The following TAS2R1 variants were observed in gnomAD, a reference collection of about 807,000 sequenced individuals.
The protein encoded by TAS2R1 is taste 2 receptor member 1.
For synonymous variants in TAS2R1, 141 were observed against 134.2 expected (o/e 1.05, Z -0.35); for missense variants, 370 against 353.4 (o/e 1.05, Z -0.38).
chr5:9,822,977 G>A, the TAS2R1 span, among the ~76,000 whole-genome samples: 5 of 140,450 alleles, frequency 3.6e-5, no homozygotes, highest in East Asian at 1.1e-3. Flanking sequence ...GTAGGTCAAA[G>A]CTGACTGCTC....
chr5:9,734,455 G>T, the TAS2R1 span, among the ~76,000 whole-genome samples: 3 of 152,096 alleles, frequency 2.0e-5, no homozygotes, highest in Non-Finnish European at 2.9e-5. Flanking sequence ...GAGCCAAAAT[G>T]ATGTTTGTTT....
At chr5:9,765,230 TA>T in the TAS2R1 span, among the ~76,000 whole-genome samples, 1 of 152,056 alleles carries the variant, frequency 6.6e-6, no homozygotes, top group East Asian at 1.9e-4. Context: ...TTATTTAAAT[TA>T]AAAAAATCAA....
the TAS2R1 span, among the ~76,000 whole-genome samples, chr5:9,785,429 A>G: frequency 6.6e-6 from 1 of 152,244 alleles, no homozygotes; most frequent in Admixed American, 6.5e-5. Flanking sequence ...TGATTGTATT[A>G]TGTATTCTGC....
chr5:9,664,927 G>A (rs933830076), intron 1 of TAS2R1, among the ~76,000 whole-genome samples: 2 of 152,190 alleles, frequency 1.3e-5, no homozygotes, highest in Admixed American at 6.5e-5. Context: ...CAGTGTTCAG[G>A]AACTTGTCTA....
At chr5:9,765,236 A>C in the TAS2R1 span, among the ~76,000 whole-genome samples, 1 of 152,214 alleles carries the variant, frequency 6.6e-6, no homozygotes, top group Non-Finnish European at 1.5e-5. Context: ...AAATTAAAAA[A>C]ATCAAGTACT....
chr5:9,688,242 A>G (rs1303637628), intron 1 of TAS2R1, among the ~76,000 whole-genome samples: 1 of 152,206 alleles, frequency 6.6e-6, no homozygotes, highest in Non-Finnish European at 1.5e-5. Context: ...AGAATCGAGC[A>G]TGTTAAGACA....
chr5:9,801,578 C>CAA, the TAS2R1 span, among the ~76,000 whole-genome samples: 2 of 152,150 alleles, frequency 1.3e-5, no homozygotes, highest in Non-Finnish European at 2.9e-5. Context: ...CCTGAGATGC[C>CAA]AAAAACTGTG....
chr5:9,876,803 G>A, the TAS2R1 span, among the ~76,000 whole-genome samples: 3 of 152,198 alleles, frequency 2.0e-5, no homozygotes, highest in Non-Finnish European at 2.9e-5. Context: ...CATCAGGAGT[G>A]GGAGGGGACT....
intron 1 of TAS2R1, among the ~76,000 whole-genome samples, chr5:9,690,216 G>T (rs1561379879): frequency 6.6e-6 from 1 of 152,126 alleles, no homozygotes; most frequent in East Asian, 1.9e-4. Flanking sequence ...GTAATTTCTG[G>T]AATATATATG....
the TAS2R1 span, among the ~76,000 whole-genome samples, chr5:9,898,407 G>T: frequency 6.6e-6 from 1 of 152,186 alleles, no homozygotes; most frequent in Non-Finnish European, 1.5e-5. Context: ...AGAGGGACGA[G>T]GTAGAAGCCG....
the TAS2R1 span, among the ~76,000 whole-genome samples, chr5:9,838,146 A>G: frequency 1.3e-5 from 2 of 152,128 alleles, no homozygotes; most frequent in African/African-American, 4.8e-5. Context: ...AGCTTTGAAA[A>G]AGCACAGATC....
intron 2 of TAS2R1, among the ~76,000 whole-genome samples, chr5:9,647,089 A>G (rs1740204518): frequency 2.0e-5 from 3 of 152,164 alleles, no homozygotes; most frequent in Admixed American, 6.6e-5. Context: ...ACTGACTCAG[A>G]GGAAATGAAA....
At chr5:9,722,823 T>C in the TAS2R1 span, among the ~76,000 whole-genome samples, 5 of 152,238 alleles carry the variant, frequency 3.3e-5, no homozygotes, top group South Asian at 4.1e-4. Context: ...GGGCTTGGAA[T>C]ATGCCTGGCA....
chr5:9,891,134 A>G, the TAS2R1 span, among the ~76,000 whole-genome samples: 1 of 152,220 alleles, frequency 6.6e-6, no homozygotes, highest in East Asian at 1.9e-4. Flanking sequence ...AAGACTATTC[A>G]TAATTATCTA....
chr5:9,887,947 C>A, the TAS2R1 span, among the ~76,000 whole-genome samples: 2 of 152,014 alleles, frequency 1.3e-5, no homozygotes, highest in Non-Finnish European at 2.9e-5. Context: ...GACAGCAGGG[C>A]CACAGGAGCA....
chr5:9,746,123 C>G, the TAS2R1 span, among the ~76,000 whole-genome samples: 1 of 152,136 alleles, frequency 6.6e-6, no homozygotes, highest in Non-Finnish European at 1.5e-5. Flanking sequence ...ACAGATACTT[C>G]TCAAAAGAAG....
the TAS2R1 span, among the ~76,000 whole-genome samples, chr5:9,767,235 C>A: frequency 6.6e-6 from 1 of 151,930 alleles, no homozygotes; most frequent in Non-Finnish European, 1.5e-5. Context: ...ATCATCCAGG[C>A]CCCAAATCTA....
chr5:9,754,710 A>G, the TAS2R1 span, among the ~76,000 whole-genome samples: 5 of 152,216 alleles, frequency 3.3e-5, no homozygotes, highest in East Asian at 9.6e-4. Flanking sequence ...CTCTTCAAGG[A>G]GAGCTACAAA....
the TAS2R1 span, among the ~76,000 whole-genome samples, chr5:9,843,230 T>C: frequency 6.6e-6 from 1 of 152,224 alleles, no homozygotes; most frequent in Admixed American, 6.5e-5. Flanking sequence ...CTTCAGCAGT[T>C]CTTCCATGTC....
Sources: allele counts gnomAD v4.1 joint callset (sites outside exome capture counted in the v4.1 genomes callset), GRCh38; gene constraint gnomAD v4.1.1; transcripts MANE v1.5; gene names NCBI Gene and HGNC (gene_info 2026-07-23, HGNC 2026-07-21).